Variants in ZNF514 observed in about 807,000 individuals in gnomAD.
ZNF514 encodes zinc finger protein 514.
A neutral mutation model predicts 9.7 loss-of-function variants in ZNF514; 12 were observed. The observed-to-expected ratio is 1.24, with a 90% CI of 0.79 to 2.01. ZNF514 has a LOEUF of 2.01. ZNF514 is among the 30% of genes most tolerant of loss of function. The pLI is 0.00. For missense variants in ZNF514, 467 were observed against 465.5 expected (o/e 1.00, Z -0.03); for synonymous variants, 158 against 163.7 (o/e 0.97, Z 0.27).
intron 3 of ZNF514, 84 bp from the exon 4 acceptor site, chr2:95,152,853 C>G: frequency 7.7e-7 from 1 of 1,298,574 alleles, no homozygotes; most frequent in Non-Finnish European, 1.1e-6. Flanking sequence ...TGGAGAAATA[C>G]TGTAGGCATG....
rs202090093 is a variant in ZNF514 at position 95,146,320 on chromosome 2, TACAC to T, written c.*2958_*2961del. 2.7e-5 allele frequency among the ~76,000 whole-genome samples: 4 copies of T among 150,762 alleles called. No individual in the cohort carries two copies. The highest frequency in any genetic ancestry group is 5.9e-5 in the Non-Finnish European group (4 of 67,258). ...TAGATATTGTCCATTTTTAAAAACT[TACAC>T]AAACAAATATGTTTATGATTACAAA... On this transcript the variant is annotated 3_prime_UTR_variant, in exon 5 of 5. Coordinates refer to ENST00000295208, the MANE Select transcript of ZNF514 (RefSeq NM_032788.3).
chr2:95,156,057 C>T (rs1426200155), intron 2 of ZNF514, among the ~76,000 whole-genome samples: 2 of 152,230 alleles, frequency 1.3e-5, no homozygotes, highest in Non-Finnish European at 2.9e-5. Context: ...CATTACCACA[C>T]TGAACCCACC....
At position 95,145,519 on chromosome 2, in the gene ZNF514, T is replaced by TG. The variant is rs1160631816; in HGVS notation, c.*3762dup. Among the ~76,000 whole-genome samples the TG allele has an allele frequency of 1.3e-5, 2 of 152,188 alleles. No individual in the cohort carries two copies. Among genetic ancestry groups the TG allele is most frequent in the African/African-American group, 4.8e-5 (2 of 41,450 alleles). On this transcript the variant is annotated 3_prime_UTR_variant, in exon 5 of 5. Coordinates refer to ENST00000295208, the MANE Select transcript of ZNF514 (RefSeq NM_032788.3). ...TGGCTTCATCTCACAGTAAGAACCT[T>TG]GGTCTCCACAACACCTTATCTTAAC...
At chr2:95,135,724 G>A in the ZNF514 span, among the ~76,000 whole-genome samples, 1 of 151,794 alleles carries the variant, frequency 6.6e-6, no homozygotes, top group African/African-American at 2.4e-5. Flanking sequence ...GTCTGGTCTG[G>A]AATTGTTTTC....
chr2:95,149,404 G>A lies in ZNF514; in HGVS notation c.1081C>T (p.Gln361Ter). Residue 361 changes from glutamine (Q) to a stop codon, truncating the protein, a stop_gained, in exon 5 of 5, where the codon CAA (glutamine) becomes TAA (stop). Coordinates refer to ENST00000295208, the MANE Select transcript of ZNF514 (RefSeq NM_032788.3). LOFTEE classifies it low-confidence loss of function (END_TRUNC). ...TCTCCAGTGTGAAATCTGTAATGTT[G>A]AGTGAGAGATGAACTCTGGCTGAAG... ...RAFSQSSSLT[Q>*]HYRFHTGEKP... 1 of 1,613,886 alleles carries A rather than the reference G, an allele frequency of 6.2e-7. No homozygotes were observed. Among genetic ancestry groups the A allele is most frequent in the Non-Finnish European group, 8.5e-7 (1 of 1,179,980 alleles).
rs1673382664 is a variant in ZNF514, at chr2:95,147,245, A to G, written c.*2037T>C. On this transcript the variant is annotated 3_prime_UTR_variant, in exon 5 of 5. Coordinates refer to ENST00000295208, the MANE Select transcript of ZNF514 (RefSeq NM_032788.3). The stretch of plus-strand genomic sequence containing the variant: ...GGGGTAACTGTTACAGAAAATAAAA[A>G]GTGATACCAAAAATGCATAGATGGC... The G allele has an allele frequency of 6.6e-6, 1 of 152,240 alleles. No individual in the cohort carries two copies. The highest frequency in any genetic ancestry group is 2.4e-5 in the African/African-American group (1 of 41,452). The allele number at this position is 152,240 out of a possible 1,614,324, so 9.4% of individuals were successfully genotyped here.
chr2:95,152,883 G>C (rs1673582923), intron 3 of ZNF514, 114 bp from the exon 4 acceptor site: 3 of 1,076,430 alleles, frequency 2.8e-6, no homozygotes, highest in Non-Finnish European at 4.2e-6. Flanking sequence ...CAGAGAACAG[G>C]CATTGTGAAA....
chr2:95,153,099 C>T (rs753359862), intron 3 of ZNF514, 34 bp downstream of exon 3: 1 of 1,596,006 alleles, frequency 6.3e-7, no homozygotes, highest in Non-Finnish European at 8.6e-7. Context: ...ATCAAGAAGT[C>T]CTGCTGGGTG....
At chr2:95,141,919 G>A (rs550711641), downstream of ZNF514, among the ~76,000 whole-genome samples, 4 of 152,270 alleles carry the variant, frequency 2.6e-5, no homozygotes, top group South Asian at 8.3e-4. Context: ...AAGACCCTCA[G>A]AATAAATTAT....
chr2:95,143,140 C>G (rs1673285972), downstream of ZNF514, among the ~76,000 whole-genome samples: 1 of 152,214 alleles, frequency 6.6e-6, no homozygotes, highest in Non-Finnish European at 1.5e-5. Context: ...CAGTTTACTA[C>G]AGAGACAACT....
At chr2:95,144,919 A>G (rs1460634714), downstream of ZNF514, among the ~76,000 whole-genome samples, 3 of 152,154 alleles carry the variant, frequency 2.0e-5, no homozygotes, top group Non-Finnish European at 2.9e-5. Flanking sequence ...CCACACACAC[A>G]CACACACCCC....
intron 1 of ZNF514, among the ~76,000 whole-genome samples, chr2:95,158,458 G>A (rs1263227857): frequency 6.6e-6 from 1 of 152,162 alleles, no homozygotes; most frequent in Non-Finnish European, 1.5e-5. Flanking sequence ...CACCTGGATT[G>A]CCCTGCCCCC....
chr2:95,123,157 GCTGA>G, the ZNF514 span, among the ~76,000 whole-genome samples: 1 of 152,170 alleles, frequency 6.6e-6, no homozygotes, highest in Non-Finnish European at 1.5e-5. Flanking sequence ...AAGTAAAGAG[GCTGA>G]CTGACATCCA....
In ZNF514 at chr2:95,159,028, T is replaced by A. The variant is rs759883649; in HGVS notation, c.-96+212A>T. ...CGTCCTTTCACTAGGTCCAAATCTCTGTCTTTCGGCCACAGCCCTGTGGTC... is the reference window on the plus strand; with the variant it reads ...CGTCCTTTCACTAGGTCCAAATCTCAGTCTTTCGGCCACAGCCCTGTGGTC... On this transcript the variant is annotated intron_variant, in intron 1 of 4. Coordinates refer to ENST00000295208, the MANE Select transcript of ZNF514 (RefSeq NM_032788.3). 1.0e-5 allele frequency: 13 copies of A among 1,246,216 alleles called. No individual in the cohort carries two copies. In the South Asian group the frequency reaches 1.7e-4, roughly 16 times the overall value. 77.2% of individuals were successfully genotyped at this position (1,246,216 alleles called of 1,614,324 possible). A position where few individuals can be genotyped will look rare whatever the true frequency, so the allele number is the denominator to read the frequency against.
downstream of ZNF514, among the ~76,000 whole-genome samples, chr2:95,141,222 T>C (rs912044254): frequency 6.6e-6 from 1 of 152,152 alleles, no homozygotes; most frequent in Non-Finnish European, 1.5e-5. Context: ...AACAGGCTAA[T>C]ACAGGAACCA....
the ZNF514 span, among the ~76,000 whole-genome samples, chr2:95,132,252 A>G: frequency 1.3e-5 from 2 of 152,096 alleles, no homozygotes; most frequent in Non-Finnish European, 2.9e-5. Flanking sequence ...ACTAGTATCT[A>G]GAATTTATGA....
At chr2:95,135,277 C>T in the ZNF514 span, among the ~76,000 whole-genome samples, 1 of 152,018 alleles carries the variant, frequency 6.6e-6, no homozygotes, top group East Asian at 1.9e-4. Context: ...TCAACAGTGT[C>T]ATGTAGCTTT....
chr2:95,159,821 G>A lies in ZNF514; in HGVS notation c.-677C>T, dbSNP rs929639721. ...GCCGGGGCCCTTCAGAGCCAGCGCC[G>A]GTGGCGGGGTGCTGGCGCGGCGAAG... On this transcript the variant is annotated 5_prime_UTR_variant, in exon 1 of 5. Coordinates refer to ENST00000295208, the MANE Select transcript of ZNF514 (RefSeq NM_032788.3). 6.6e-6 allele frequency among the ~76,000 whole-genome samples: 1 copy of A among 151,768 alleles called. No homozygotes were observed. Among genetic ancestry groups the A allele is most frequent in the African/African-American group, 2.4e-5 (1 of 41,420 alleles).
At chr2:95,139,435 A>G in the ZNF514 span, among the ~76,000 whole-genome samples, 88 of 152,326 alleles carry the variant, frequency 5.8e-4, no homozygotes, top group Middle Eastern at 0.017. Flanking sequence ...CAGGATATGG[A>G]GTCAAAGGAG....
Sources: allele counts gnomAD v4.1 joint callset (sites outside exome capture counted in the v4.1 genomes callset), GRCh38; gene constraint gnomAD v4.1.1; transcripts MANE v1.5; gene names NCBI Gene and HGNC (gene_info 2026-07-23, HGNC 2026-07-21).